The following CCDC7 variants were observed in gnomAD, a reference collection of about 807,000 sequenced individuals.
CCDC7 encodes coiled-coil domain containing 7, also known as coiled-coil domain-containing protein 7.
In CCDC7, 183 loss-of-function variants were observed where a neutral mutation model predicts 196.9. The observed-to-expected ratio is 0.93, with a 90% CI of 0.82 to 1.05. The LOEUF is 1.05. Among genes scored for constraint, CCDC7 ranks in the 50% least tolerant of loss-of-function variants. CCDC7 has a pLI of 0.00. For synonymous variants in CCDC7, 525 were observed against 484.6 expected (o/e 1.08, Z -1.10); for missense variants, 1,540 against 1,482.2 (o/e 1.04, Z -0.64).
intron 11 of CCDC7, among the ~76,000 whole-genome samples, chr10:32,519,967 C>CAA (rs2047635768): frequency 6.6e-6 from 1 of 152,086 alleles, no homozygotes; most frequent in African/African-American, 2.4e-5. Flanking sequence ...TGAAAACATG[C>CAA]AATGTTTGTC....
chr10:32,772,019 G>A (rs2079239576), intron 28 of CCDC7, among the ~76,000 whole-genome samples: 1 of 152,136 alleles, frequency 6.6e-6, no homozygotes, highest in African/African-American at 2.4e-5. Flanking sequence ...ATAGGCAATG[G>A]GCAGGGCCAT....
At position 32,595,907 on chromosome 10, in the gene CCDC7, A is replaced by G. The variant is rs145687217; in HGVS notation, c.1801+11603A>G. Among the ~76,000 whole-genome samples, 295 of 152,314 alleles carry G rather than the reference A, an allele frequency of 1.9e-3. 2 individuals are homozygous for G. The highest frequency in any genetic ancestry group is 6.8e-3 in the African/African-American group (282 of 41,560). ...TTTTGGTTGCTCTGTGGTCTGAGAG[A>G]CAATTTGTTATAATTTCTGTTCTTT... On this transcript the variant is annotated intron_variant, in intron 18 of 41. Transcript: ENST00000639629.
At chr10:32,571,269 A>G (rs1410654009) in intron 15 of CCDC7, among the ~76,000 whole-genome samples, 1 of 152,090 alleles carries the variant, frequency 6.6e-6, no homozygotes, top group East Asian at 1.9e-4. Flanking sequence ...TCGGCCTCCC[A>G]AAGTGCTGGG....
At position 32,780,719 on chromosome 10, in the gene CCDC7, A is replaced by G. The variant is rs549848694; in HGVS notation, c.3013+1635A>G. 6.6e-5 allele frequency among the ~76,000 whole-genome samples: 10 copies of G among 152,288 alleles called. No individual in the cohort carries two copies. The South Asian group carries it at 1.2e-3, about 19-fold the overall frequency. ...AAAAAGATGGAATTAGAGGAAATGA[A>G]GAGCAAAAAGGTATAACATACAAAA... On this transcript the variant is annotated intron_variant, in intron 29 of 41. Transcript: ENST00000639629.
At chr10:32,678,164 C>G (rs1376660452) in intron 21 of CCDC7, among the ~76,000 whole-genome samples, 1 of 151,986 alleles carries the variant, frequency 6.6e-6, no homozygotes, top group Non-Finnish European at 1.5e-5. Flanking sequence ...TTTTAGTTCA[C>G]TGAGCTTGTT....
At chr10:32,596,943 C>G (rs939680169) in intron 18 of CCDC7, among the ~76,000 whole-genome samples, 2 of 152,142 alleles carry the variant, frequency 1.3e-5, no homozygotes, top group African/African-American at 4.8e-5. Flanking sequence ...ACCTTTCTGG[C>G]TGCCCTTAAC....
upstream of CCDC7, among the ~76,000 whole-genome samples, chr10:32,445,404 A>C (rs968629254): frequency 1.3e-5 from 2 of 152,184 alleles, no homozygotes; most frequent in Non-Finnish European, 2.9e-5. Flanking sequence ...AATAGTTGAA[A>C]TCTACTAAGT....
At chr10:32,511,417 C>T in intron 9 of CCDC7, 2 of 1,610,158 alleles carry the variant, frequency 1.2e-6, no homozygotes, top group Non-Finnish European at 8.5e-7. Context: ...CTCTGTCCAG[C>T]TTGCCAGCCT....
intron 19 of CCDC7, among the ~76,000 whole-genome samples, chr10:32,634,636 C>T (rs1164245162): frequency 1.3e-5 from 2 of 152,128 alleles, no homozygotes; most frequent in Non-Finnish European, 2.9e-5. Flanking sequence ...ACCTCGTGAT[C>T]CACCCACCTT....
intron 18 of CCDC7, among the ~76,000 whole-genome samples, chr10:32,591,154 C>A (rs1445394082): frequency 1.3e-5 from 2 of 151,846 alleles, no homozygotes; most frequent in African/African-American, 4.8e-5. Flanking sequence ...TTAAATTTTG[C>A]CTTTTTGGAC....
At chr10:32,646,616 G>A (rs1159225381) in intron 20 of CCDC7, among the ~76,000 whole-genome samples, 1 of 151,980 alleles carries the variant, frequency 6.6e-6, no homozygotes, top group Non-Finnish European at 1.5e-5. Flanking sequence ...AAGGTGTGGG[G>A]GGTTACATGT....
At chr10:32,733,033 A>G (rs777451531) in intron 28 of CCDC7, among the ~76,000 whole-genome samples, 6 of 152,216 alleles carry the variant, frequency 3.9e-5, no homozygotes, top group Admixed American at 2.6e-4. Context: ...TTTGTGGGTT[A>G]ATATACCATC....
At chr10:32,660,730 T>A (rs1004987530) in intron 20 of CCDC7, among the ~76,000 whole-genome samples, 7 of 152,062 alleles carry the variant, frequency 4.6e-5, no homozygotes, top group African/African-American at 1.7e-4. Flanking sequence ...GGGGAAAGGA[T>A]TCCCTATTTA....
intron 25 of CCDC7, among the ~76,000 whole-genome samples, chr10:32,722,299 G>A (rs1270670839): frequency 1.3e-5 from 2 of 152,078 alleles, no homozygotes; most frequent in Non-Finnish European, 2.9e-5. Context: ...CAGTAGTTGG[G>A]GGCCATAACA....
chr10:32,594,051 T>G (rs2060054955), intron 18 of CCDC7, among the ~76,000 whole-genome samples: 2 of 152,210 alleles, frequency 1.3e-5, no homozygotes, highest in Non-Finnish European at 2.9e-5. Context: ...TGGTTCCATA[T>G]GAACTTTAAA....
chr10:32,842,479 T>C (rs182463508), intron 33 of CCDC7, among the ~76,000 whole-genome samples: 2 of 152,122 alleles, frequency 1.3e-5, no homozygotes, highest in South Asian at 2.1e-4. Flanking sequence ...AAGGAAACAT[T>C]TTTACACTGT....
chr10:32,640,478 T>C (rs1389716543), intron 20 of CCDC7, among the ~76,000 whole-genome samples: 2 of 152,220 alleles, frequency 1.3e-5, no homozygotes, highest in African/African-American at 4.8e-5. Context: ...CCAGTCTGTG[T>C]CTTTTAATTG....
At chr10:32,683,691 C>T (rs1453749746) in intron 21 of CCDC7, among the ~76,000 whole-genome samples, 3 of 152,156 alleles carry the variant, frequency 2.0e-5, no homozygotes, top group African/African-American at 7.2e-5. Context: ...AGATCTTTCA[C>T]CCTGCTGGTG....
At chr10:32,558,922 A>G (rs2054837826) in intron 13 of CCDC7, among the ~76,000 whole-genome samples, 1 of 152,234 alleles carries the variant, frequency 6.6e-6, no homozygotes, top group African/African-American at 2.4e-5. Context: ...AGTCAAAGAA[A>G]GGGGTGACAG....
Sources: gnomAD v4.1 joint callset for allele counts (sites outside exome capture counted in the v4.1 genomes callset) on GRCh38, gnomAD v4.1.1 for gene constraint, MANE v1.5 for transcripts, NCBI Gene and HGNC (gene_info 2026-07-23, HGNC 2026-07-21) for gene names.